Variants in RELN observed in about 807,000 individuals in gnomAD.
RELN encodes the protein reelin.
A neutral mutation model predicts 427.6 loss-of-function variants in RELN; 108 were observed. The ratio of observed to expected loss-of-function variants is 0.25; its 90% confidence interval spans 0.22 to 0.30. The LOEUF (loss-of-function observed/expected upper bound fraction) is 0.30. Among genes scored for constraint, RELN ranks in the 10% least tolerant of loss-of-function variants. The probability of loss-of-function intolerance (pLI) is 1.00; values close to 1 mark genes in which losing one functional copy is unlikely to be tolerated. For synonymous variants in RELN, 1,524 were observed against 1,513.4 expected (o/e 1.01, Z -0.16); for missense variants, 3,715 against 4,302.8 (o/e 0.86, Z 3.82).
intron 2 of RELN, among the ~76,000 whole-genome samples, chr7:103,889,521 C>T (rs114733015): frequency 2.8e-3 from 431 of 152,250 alleles, no homozygotes; most frequent in African/African-American, 9.6e-3. Context: ...CGTAAGGCTA[C>T]CAGAGGGAAA....
At chr7:103,798,433 T>C (rs4729932) in intron 3 of RELN, among the ~76,000 whole-genome samples, 37,046 of 152,128 alleles carry the variant, frequency 0.24, 4,588 homozygotes, top group East Asian at 0.35. Flanking sequence ...CTCAATGAGC[T>C]AATGCCCATG....
At chr7:103,853,877 G>T (rs1241885105) in intron 2 of RELN, among the ~76,000 whole-genome samples, 4 of 152,040 alleles carry the variant, frequency 2.6e-5, no homozygotes, top group Admixed American at 6.6e-5. Flanking sequence ...CAAAGTTACA[G>T]CTAAGTGGGA....
At chr7:103,981,847 T>C (rs1796996062) in intron 1 of RELN, among the ~76,000 whole-genome samples, 1 of 152,218 alleles carries the variant, frequency 6.6e-6, no homozygotes, top group African/African-American at 2.4e-5. Context: ...TATAAAATAT[T>C]CTTTATCAGT....
At chr7:103,545,044 T>C in intron 42 of RELN, 80 bp downstream of exon 42, 1 of 968,820 alleles carries the variant, frequency 1.0e-6, no homozygotes, top group East Asian at 2.5e-5. Context: ...TTAAACTTAA[T>C]GATTAGTTAT....
rs140989994 is a variant in RELN at position 103,602,768 on chromosome 7, C to T, written c.3333+536G>A. On this transcript the variant is annotated intron_variant, in intron 24 of 64. Coordinates refer to ENST00000428762, the MANE Select transcript of RELN (RefSeq NM_005045.4). ...ATGGGTACAGCAAACCACCATGGCA[C>T]GTGTATACCTATGTAACAAACCTGC... Among the ~76,000 whole-genome samples, 24 of 152,140 alleles carry T rather than the reference C, an allele frequency of 1.6e-4. No individual in the cohort carries two copies. In the East Asian group the frequency reaches 3.9e-3, roughly 24 times the overall value.
intron 6 of RELN, among the ~76,000 whole-genome samples, chr7:103,741,670 G>A (rs377118303): frequency 3.1e-5 from 1 of 32,522 alleles, no homozygotes; most frequent in Admixed American, 2.4e-4. Context: ...AGAAAGGGAA[G>A]AAGGGAAGGG....
intron 1 of RELN, among the ~76,000 whole-genome samples, chr7:103,936,297 T>TGGCCAGG (rs1179771910): frequency 6.6e-6 from 1 of 152,112 alleles, no homozygotes; most frequent in Non-Finnish European, 1.5e-5. Context: ...TTCAACATGT[T>TGGCCAGG]GGCCAGGCTG....
rs1584377776 is a variant in RELN, at chr7:103,651,663, A to G, written c.1890T>C (p.Ser630=). ...HSTVYSSENY[S]GWNRITIPLP... ...TATCTCAGAGAGAATGTACTCACCCACTGTAGTTTTCAGAGGAGTAGACAG... is the reference window on the plus strand; with the variant it reads ...TATCTCAGAGAGAATGTACTCACCCGCTGTAGTTTTCAGAGGAGTAGACAG... The change falls in exon 15 of 65, where the codon AGT becomes AGC. Residue 630 remains serine, a splice_region_variant and synonymous_variant. Coordinates refer to ENST00000428762, the MANE Select transcript of RELN (RefSeq NM_005045.4). The G allele has an allele frequency of 3.7e-6, 6 of 1,611,144 alleles. No homozygotes were observed. In the Admixed American group the frequency reaches 5.0e-5, roughly 13 times the overall value.
chr7:103,683,875 C>G (rs190040998), intron 10 of RELN, among the ~76,000 whole-genome samples: 9 of 152,242 alleles, frequency 5.9e-5, no homozygotes, highest in Admixed American at 1.3e-4. Context: ...GACTGTCACT[C>G]TCTAGGGAGC....
chr7:103,980,462 CTTTGT>C (rs1796968081), intron 1 of RELN, among the ~76,000 whole-genome samples: 1 of 151,978 alleles, frequency 6.6e-6, no homozygotes, highest in Admixed American at 6.5e-5. Flanking sequence ...TTTTACTTTT[CTTTGT>C]TTTCTCATTT....
chr7:103,619,299 T>A (rs1021019756), intron 20 of RELN, among the ~76,000 whole-genome samples: 1 of 152,152 alleles, frequency 6.6e-6, no homozygotes, highest in Non-Finnish European at 1.5e-5. Flanking sequence ...CACAAATGAA[T>A]GCTGTCTCTT....
At chr7:103,976,675 G>C (rs1377620538) in intron 1 of RELN, among the ~76,000 whole-genome samples, 1 of 152,178 alleles carries the variant, frequency 6.6e-6, no homozygotes. Flanking sequence ...GAGATACTGG[G>C]TGGGCAGTAA....
At chr7:103,792,682 G>T (rs1165557566) in intron 3 of RELN, among the ~76,000 whole-genome samples, 2 of 151,728 alleles carry the variant, frequency 1.3e-5, no homozygotes, top group Middle Eastern at 3.2e-3. Context: ...TATATCTGTG[G>T]ATATACTAAA....
intron 63 of RELN, among the ~76,000 whole-genome samples, chr7:103,481,273 T>C (rs1828226339): frequency 6.6e-6 from 1 of 152,174 alleles, no homozygotes. Context: ...TGAAAATATC[T>C]ACTCAAATGT....
At chr7:103,592,110 G>T (rs563539456) in intron 27 of RELN, among the ~76,000 whole-genome samples, 1 of 152,212 alleles carries the variant, frequency 6.6e-6, no homozygotes, top group African/African-American at 2.4e-5. Flanking sequence ...TGTCTCGGGA[G>T]TTTGCTGTAC....
chr7:103,718,361 G>A (rs1326514710), intron 8 of RELN, among the ~76,000 whole-genome samples: 5 of 145,766 alleles, frequency 3.4e-5, no homozygotes, highest in Non-Finnish European at 4.5e-5. Context: ...TTAAACACAC[G>A]TACAAAAATA....
chr7:103,588,309 G>T (rs1164615497), intron 28 of RELN, among the ~76,000 whole-genome samples: 1 of 151,858 alleles, frequency 6.6e-6, no homozygotes, highest in Non-Finnish European at 1.5e-5. Flanking sequence ...ATATGTGGGA[G>T]ATCTAAAATA....
intron 10 of RELN, among the ~76,000 whole-genome samples, chr7:103,685,010 C>A (rs1833734469): frequency 1.3e-5 from 2 of 152,122 alleles, no homozygotes; most frequent in Admixed American, 1.3e-4. Context: ...TGCAAACATT[C>A]ATTCATCTTC....
intron 6 of RELN, among the ~76,000 whole-genome samples, chr7:103,729,638 C>T (rs1400225922): frequency 1.3e-5 from 2 of 152,148 alleles, no homozygotes; most frequent in African/African-American, 2.4e-5. Context: ...TTAGAAGAGA[C>T]AACAGCAGTA....
Sources: allele counts gnomAD v4.1 joint callset (sites outside exome capture counted in the v4.1 genomes callset), GRCh38; gene constraint gnomAD v4.1.1; transcripts MANE v1.5; gene names NCBI Gene and HGNC (gene_info 2026-07-23, HGNC 2026-07-21).